Variants in IGFN1 observed in about 807,000 individuals in gnomAD.
IGFN1 encodes immunoglobulin like and fibronectin type III domain containing 1.
In IGFN1, 253 loss-of-function variants were observed where a neutral mutation model predicts 289.5. The observed-to-expected ratio is 0.87, with a 90% CI of 0.79 to 0.97. The LOEUF (loss-of-function observed/expected upper bound fraction) is 0.97. Among genes scored for constraint, IGFN1 ranks in the 50% least tolerant of loss-of-function variants. The pLI is 0.00. For missense variants in IGFN1, 4,470 were observed against 4,686.1 expected, an observed-to-expected ratio of 0.95 and a Z score of 1.35; for synonymous variants, 1,706 against 1,788.5, an observed-to-expected ratio of 0.95 and a Z score of 1.16.
In IGFN1 at chr1:201,212,592, GC is replaced by G. The variant is rs1667872344; in HGVS notation, c.7700del (p.Ala2567ValfsTer21). ...AGGAATGACAGACAGGGGTAGAGTT[GC>G]TGGCCAGGGGGGGTTGGCATCTCAG... is the stretch of plus-strand genomic sequence containing the variant. Reference protein sequence around the residue: ...GPGMTDRGRVAGQGGLASQGG... With the variant: ...GPGMTDRGRVXGQGGLASQGG... On this transcript the variant is annotated frameshift_variant, in exon 12 of 24. Transcript: ENST00000335211. LOFTEE classifies it high-confidence loss of function. 6.5e-7 allele frequency: 1 copy of G among 1,548,650 alleles called. No individual in the cohort carries two copies. The highest frequency in any genetic ancestry group is 1.4e-5 in the African/African-American group (1 of 73,062).
In IGFN1 at chr1:201,211,675, G is replaced by C; in HGVS notation, c.6782G>C (p.Gly2261Ala). Reference sequence around the variant, plus strand: ...GATTTGGGAGCTCCTGAGGAAATGGGTTCAGGCAGTTACACAGATTACAGG... The same window carrying C: ...GATTTGGGAGCTCCTGAGGAAATGGCTTCAGGCAGTTACACAGATTACAGG... ...RKDLGAPEEM[G>A]SGSYTDYRNG... Residue 2261 changes from glycine to alanine, a missense_variant, in exon 12 of 24, where the codon GGT (glycine) becomes GCT (alanine). Physicochemically the swap from Gly to Ala is moderately conservative, Grantham distance 60. Around this residue, in one of 8 missense-constraint regions of IGFN1, gnomAD observed 2,218 missense variants for 2,114.1 expected, o/e 1.05. Transcript: ENST00000335211. 1 of 1,537,046 alleles carries C rather than the reference G, an allele frequency of 6.5e-7. No individual in the cohort carries two copies. Among genetic ancestry groups the C allele is most frequent in the African/African-American group, 1.4e-5 (1 of 73,110 alleles).
At chr1:201,214,045 C>T in intron 12 of IGFN1, 132 bp from the exon 13 acceptor site, 1 of 886,814 alleles carries the variant, frequency 1.1e-6, no homozygotes. Context: ...GCCAAGATAG[C>T]ATAGGTGCTG....
At position 201,216,681 on chromosome 1, in the gene IGFN1, C is replaced by CGGAA; in HGVS notation, c.9524_9525insGAAG (p.Val3176LysfsTer17). On this transcript the variant is annotated frameshift_variant, in exon 16 of 24. Transcript: ENST00000335211. LOFTEE classifies it high-confidence loss of function. The stretch of plus-strand genomic sequence containing the variant: ...GGAGCCAGGCAGGAAGTATACCTTC[C>CGGAA]GAGTGCGGGCTGTGACCTCAGAGGG... The CGGAA allele has an allele frequency of 1.2e-6, 2 of 1,613,912 alleles. No homozygotes were observed. Among genetic ancestry groups the CGGAA allele is most frequent in the South Asian group, 2.2e-5 (2 of 91,072 alleles).
chr1:201,226,287 C>T (rs113277901), intron 22 of IGFN1, among the ~76,000 whole-genome samples, 164 bp downstream of exon 22: 7 of 151,318 alleles, frequency 4.6e-5, no homozygotes, highest in African/African-American at 1.7e-4. Flanking sequence ...GCTCCTCCCG[C>T]TCCTGCCTCA....
Position 201,227,832 on chromosome 1 carries a change from C to T in IGFN1, c.11114-554C>T, listed in dbSNP as rs142116272. On this transcript the variant is annotated intron_variant, in intron 23 of 23. Coordinates refer to ENST00000335211, the MANE Select transcript of IGFN1 (RefSeq NM_001164586.2). Reference sequence around the variant, plus strand: ...AGCTTCCCAGTGGGGCCACGCTACACATTGCAGGCTGAGAGATGAACAGGC... The same window carrying T: ...AGCTTCCCAGTGGGGCCACGCTACATATTGCAGGCTGAGAGATGAACAGGC... 2.1e-3 allele frequency among the ~76,000 whole-genome samples: 319 copies of T among 152,312 alleles called. 2 individuals carry two copies. Among genetic ancestry groups the T allele is most frequent in the Non-Finnish European group, 2.9e-3 (198 of 68,036 alleles).
At position 201,215,709 on chromosome 1, in the gene IGFN1, G is replaced by C; in HGVS notation, c.9166G>C (p.Val3056Leu). ...GGGCAGCAGTGACAGGGAGGCCCAG[G>C]TGGACCTGGGGGATGGCTACACGCG... is the stretch of plus-strand genomic sequence containing the variant. ...VVGSSDREAQ[V>L]DLGDGYTRLC... Residue 3056 changes from valine (V) to leucine (L), a missense_variant, in exon 15 of 24, where the codon GTG (valine) becomes CTG (leucine). Physicochemically the swap from Val to Leu is conservative, Grantham distance 32 (BLOSUM62 1). This residue lies in a region of IGFN1 where 2,218 missense variants were observed against 2,114.1 expected (regional missense o/e 1.05). Coordinates refer to ENST00000335211, the MANE Select transcript of IGFN1 (RefSeq NM_001164586.2). 1 of 1,613,460 alleles carries C rather than the reference G, an allele frequency of 6.2e-7. No individual in the cohort carries two copies. Among genetic ancestry groups the C allele is most frequent in the Non-Finnish European group, 8.5e-7 (1 of 1,179,768 alleles).
In IGFN1 at chr1:201,208,947, G is replaced by A. The variant is rs541749803; in HGVS notation, c.4054G>A (p.Ala1352Thr). The change falls in exon 12 of 24, where the codon GCG becomes ACG. Residue 1352 changes from alanine (A) to threonine (T), a missense_variant. By Grantham distance (58) the Ala-to-Thr change is moderately conservative. Transcript: ENST00000335211. Reference protein sequence around the residue: ...YRGGLQDSREAGSGSKADYSG... With the variant: ...YRGGLQDSRETGSGSKADYSG... Reference sequence around the variant, plus strand: ...GGGTGGTTTACAGGATTCCAGGGAAGCGGGTTCAGGGAGCAAGGCAGATTA... The same window carrying A: ...GGGTGGTTTACAGGATTCCAGGGAAACGGGTTCAGGGAGCAAGGCAGATTA... The A allele has an allele frequency of 1.3e-6, 2 of 1,534,376 alleles. No homozygotes were observed. Among genetic ancestry groups the A allele is most frequent in the Non-Finnish European group, 1.7e-6 (2 of 1,145,976 alleles).
At position 201,207,235 on chromosome 1, in the gene IGFN1, C is replaced by A. The variant is rs1360306706; in HGVS notation, c.2342C>A (p.Pro781His). The A allele has an allele frequency of 2.6e-6, 4 of 1,536,694 alleles. No individual in the cohort carries two copies. Among genetic ancestry groups the A allele is most frequent in the Admixed American group, 3.9e-5 (2 of 50,992 alleles). ...YKTGPGGPGDPRGCEGVLQEL... is the reference protein window; with the variant it reads ...YKTGPGGPGDHRGCEGVLQEL... ...ACTGGCCCTGGAGGCCCAGGAGACCCCAGAGGCTGCGAAGGTGTCCTACAG... is the reference window on the plus strand; with the variant it reads ...ACTGGCCCTGGAGGCCCAGGAGACCACAGAGGCTGCGAAGGTGTCCTACAG... Residue 781 changes from proline to histidine, a missense_variant, in exon 12 of 24, where the codon CCC becomes CAC. Pro to His is a moderately conservative substitution (Grantham distance 77, BLOSUM62 -2). This residue lies in a region of IGFN1 where 2,011 missense variants were observed against 1,953.4 expected (regional missense o/e 1.03). Transcript: ENST00000335211.
rs1355450113 is a variant in IGFN1, at chr1:201,208,288, C to A, written c.3395C>A (p.Ala1132Asp). ...TATGGGGGCTTCAGAGCCTCAGAGG[C>A]CCTGGGGGCCTTTGGAGAAGGAGGC... ...GNYGGFRASE[A>D]LGAFGEGGYE... is the part of the protein sequence containing the mutation. Residue 1132 changes from alanine to aspartate, a missense_variant, in exon 12 of 24, where the codon GCC (alanine) becomes GAC (aspartate). Transcript: ENST00000335211. 3.3e-6 allele frequency: 5 copies of A among 1,530,416 alleles called. No individual in the cohort carries two copies. In the African/African-American group the frequency reaches 4.1e-5, roughly 13 times the overall value. 94.8% of individuals were successfully genotyped at this position (1,530,416 alleles called of 1,614,324 possible). A position where few individuals can be genotyped will look rare whatever the true frequency, so the allele number is the denominator to read the frequency against.
chr1:201,215,452 C>G, intron 14 of IGFN1, 87 bp from the exon 15 acceptor site: 2 of 1,270,144 alleles, frequency 1.6e-6, no homozygotes, highest in Non-Finnish European at 2.2e-6. Context: ...TACTCTTCCC[C>G]CAAACTTCCT....
At position 201,207,535 on chromosome 1, in the gene IGFN1, A is replaced by G. The variant is rs913147988; in HGVS notation, c.2642A>G (p.Gln881Arg). ...GTGGCTGGACTGACGGAGTCTGGTC[A>G]GGGGGTGGATGCCAGAAGCCACTGG... ...IWVAGLTESGQGVDARSHWLS... is the reference protein window; with the variant it reads ...IWVAGLTESGRGVDARSHWLS... Residue 881 changes from glutamine (Q) to arginine (R), a missense_variant, in exon 12 of 24, where the codon CAG (glutamine) becomes CGG (arginine). By Grantham distance (43) the Gln-to-Arg change is conservative (BLOSUM62 1). Around this residue, in one of 8 missense-constraint regions of IGFN1, gnomAD observed 2,011 missense variants for 1,953.4 expected, o/e 1.03. Coordinates refer to ENST00000335211, the MANE Select transcript of IGFN1 (RefSeq NM_001164586.2). 3.9e-6 allele frequency: 6 copies of G among 1,536,754 alleles called. No individual in the cohort carries two copies. The highest frequency in any genetic ancestry group is 4.4e-6 in the Non-Finnish European group (5 of 1,146,752).
chr1:201,226,081 C>A lies in IGFN1; in HGVS notation c.10744C>A (p.Pro3582Thr), dbSNP rs751869457. 6.2e-7 allele frequency: 1 copy of A among 1,603,860 alleles called. No individual in the cohort carries two copies. The highest frequency in any genetic ancestry group is 8.5e-7 in the Non-Finnish European group (1 of 1,173,796). The change falls in exon 22 of 24, where the codon CCC becomes ACC. Residue 3582 changes from proline (P) to threonine (T), a missense_variant. By Grantham distance (38) the Pro-to-Thr change is conservative (BLOSUM62 -1). Around this residue, in one of 8 missense-constraint regions of IGFN1, gnomAD observed 2,218 missense variants for 2,114.1 expected, o/e 1.05. Coordinates refer to ENST00000335211, the MANE Select transcript of IGFN1 (RefSeq NM_001164586.2). ...CAAGAATGAGCTGGGGGCCAGCAAACCCTCGGACACCAGCCAGCCCTGGTG... is the reference window on the plus strand; with the variant it reads ...CAAGAATGAGCTGGGGGCCAGCAAAACCTCGGACACCAGCCAGCCCTGGTG... ...VAKNELGASK[P>T]SDTSQPWCIP... is the part of the protein sequence containing the mutation.
chr1:201,213,427 C>T lies in IGFN1; in HGVS notation c.8534C>T (p.Pro2845Leu), dbSNP rs1162263507. The change falls in exon 12 of 24, where the codon CCT becomes CTT. Residue 2845 changes from proline to leucine, a missense_variant. Pro to Leu is a moderately conservative substitution (Grantham distance 98). Transcript: ENST00000335211. ...GAGGCTGGAAGCATGGGGTGGCAGC[C>T]TATGGGAGAGAACTGGGGGTGCCTG... ...ADEAGSMGWQ[P>L]MGENWGCLEE... 15 of 1,613,826 alleles carry T rather than the reference C, an allele frequency of 9.3e-6. No homozygotes were observed. Among genetic ancestry groups the T allele is most frequent in the Non-Finnish European group, 1.3e-5 (15 of 1,179,940 alleles).
At chr1:201,192,421 C>G (rs1250750252) in intron 1 of IGFN1, among the ~76,000 whole-genome samples, 5 of 152,168 alleles carry the variant, frequency 3.3e-5, no homozygotes, top group Non-Finnish European at 4.4e-5. Flanking sequence ...CTCATCCCAC[C>G]CCAGACCCAA....
Position 201,197,337 on chromosome 1 carries a change from T to TCCCTGA in IGFN1, c.367+20_367+21insCCCTGA. On this transcript the variant is annotated intron_variant, in intron 5 of 23. Coordinates refer to ENST00000335211, the MANE Select transcript of IGFN1 (RefSeq NM_001164586.2). ...TCGAAGGTGGGCTTTTCCCTGAGTTTGTCTCATCAGTGCACAGGGCAGAGA... is the reference window on the plus strand; with the variant it reads ...TCGAAGGTGGGCTTTTCCCTGAGTTTCCCTGAGTCTCATCAGTGCACAGGGCAGAGA... The TCCCTGA allele has an allele frequency of 2.0e-6, 3 of 1,487,032 alleles. No individual in the cohort carries two copies. Among genetic ancestry groups the TCCCTGA allele is most frequent in the Non-Finnish European group, 1.8e-6 (2 of 1,089,254 alleles). The allele number at this position is 1,487,032 out of a possible 1,614,324, so 92.1% of individuals were successfully genotyped here.
chr1:201,199,525 C>A, intron 6 of IGFN1, 84 bp from the exon 7 acceptor site: 1 of 1,450,126 alleles, frequency 6.9e-7, no homozygotes, highest in Non-Finnish European at 9.5e-7. Context: ...GCTCAGTTGT[C>A]AGCATGGACA....
chr1:201,194,960 G>T (rs1666831991), intron 3 of IGFN1, among the ~76,000 whole-genome samples: 1 of 152,182 alleles, frequency 6.6e-6, no homozygotes, highest in Non-Finnish European at 1.5e-5. Context: ...TTCCTGGTGG[G>T]AGGCTGAGGG....
intron 15 of IGFN1, 60 bp downstream of exon 15, chr1:201,215,898 C>T (rs934198373): frequency 6.5e-7 from 1 of 1,531,818 alleles, no homozygotes; most frequent in African/African-American, 1.4e-5. Context: ...TGGGCCCTCC[C>T]TGCCATCAAG....
chr1:201,225,374 T>A (rs1341682506), intron 21 of IGFN1, among the ~76,000 whole-genome samples: 1 of 152,192 alleles, frequency 6.6e-6, no homozygotes, highest in African/African-American at 2.4e-5. Flanking sequence ...GCATGCCTTG[T>A]CCTGTGTCAT....
Sources: allele counts gnomAD v4.1 joint callset (sites outside exome capture counted in the v4.1 genomes callset), GRCh38; gene constraint gnomAD v4.1.1; regional missense constraint gnomAD v4.1.1; transcripts MANE v1.5; gene names NCBI Gene and HGNC (gene_info 2026-07-23, HGNC 2026-07-21).